Variants in CHCHD6 observed in about 807,000 individuals in gnomAD.
CHCHD6 encodes the protein MICOS complex subunit MIC25.
CHCHD6 carries 28 observed loss-of-function variants against 32.3 expected under a neutral mutation model. That is an observed-to-expected ratio of 0.87 (90% confidence interval 0.64 to 1.19). The LOEUF (loss-of-function observed/expected upper bound fraction) is 1.19, where lower values mean the gene tolerates loss of function less well. CHCHD6 is among the 50% of genes most tolerant of loss of function. CHCHD6 has a pLI of 0.00. For missense variants in CHCHD6, 333 were observed against 307.0 expected, an observed-to-expected ratio of 1.08 and a Z score of -0.63; for synonymous variants, 122 against 117.5, an observed-to-expected ratio of 1.04 and a Z score of -0.25.
intron 5 of CHCHD6, among the ~76,000 whole-genome samples, chr3:126,879,164 C>G (rs1434298991): frequency 6.6e-6 from 1 of 152,170 alleles, no homozygotes; most frequent in Non-Finnish European, 1.5e-5. Flanking sequence ...TTGCATAATG[C>G]CACTTTTGCC....
At chr3:126,766,863 C>T (rs1476972937) in intron 4 of CHCHD6, 1 of 961,540 alleles carries the variant, frequency 1.0e-6, no homozygotes, top group Non-Finnish European at 1.7e-6. Flanking sequence ...GGAAGTCAAA[C>T]AGCTTCACCA....
At chr3:126,734,112 GCA>G (rs1197430504) in intron 4 of CHCHD6, among the ~76,000 whole-genome samples, 1 of 152,174 alleles carries the variant, frequency 6.6e-6, no homozygotes, top group Non-Finnish European at 1.5e-5. Context: ...GAAGCTCCTG[GCA>G]GAATTCCTCT....
intron 5 of CHCHD6, among the ~76,000 whole-genome samples, chr3:126,862,445 T>C (rs1176423271): frequency 3.9e-3 from 132 of 34,054 alleles, no homozygotes; most frequent in Non-Finnish European, 4.3e-3. Flanking sequence ...TCCTCCACCA[T>C]CACCACCTCC....
intron 4 of CHCHD6, among the ~76,000 whole-genome samples, chr3:126,768,868 C>G (rs952080032): frequency 2.0e-5 from 3 of 152,008 alleles, no homozygotes; most frequent in African/African-American, 7.3e-5. Flanking sequence ...ATGTCCTTTG[C>G]CCACTTCTTA....
chr3:126,766,073 A>G (rs1015315507), intron 4 of CHCHD6, among the ~76,000 whole-genome samples: 2 of 152,100 alleles, frequency 1.3e-5, no homozygotes, highest in Admixed American at 1.3e-4. Flanking sequence ...TGCTTGGATC[A>G]TGATGGTAAT....
chr3:126,886,299 G>A (rs2077678846), intron 5 of CHCHD6, among the ~76,000 whole-genome samples: 1 of 152,208 alleles, frequency 6.6e-6, no homozygotes, highest in Admixed American at 6.5e-5. Context: ...AAAATATTAA[G>A]TGGAAATTTT....
At chr3:126,780,361 A>G (rs762992454) in intron 4 of CHCHD6, 5 of 436,992 alleles carry the variant, frequency 1.1e-5, no homozygotes, top group South Asian at 3.4e-5. Flanking sequence ...ACATGATTCA[A>G]AAGTCCAAAG....
intron 4 of CHCHD6, among the ~76,000 whole-genome samples, chr3:126,846,111 A>T (rs898837339): frequency 6.6e-6 from 1 of 152,158 alleles, no homozygotes; most frequent in African/African-American, 2.4e-5. Context: ...CAGCCACCAG[A>T]AGGGGCAGAA....
intron 4 of CHCHD6, among the ~76,000 whole-genome samples, chr3:126,747,178 C>T (rs1274355510): frequency 1.3e-5 from 2 of 152,154 alleles, no homozygotes; most frequent in Non-Finnish European, 2.9e-5. Context: ...TCGGGAGCTG[C>T]TGGTGATGCC....
At chr3:126,775,142 G>T (rs943021863) in intron 4 of CHCHD6, among the ~76,000 whole-genome samples, 3 of 152,112 alleles carry the variant, frequency 2.0e-5, no homozygotes, top group Non-Finnish European at 4.4e-5. Flanking sequence ...CTTATTTTTT[G>T]ACCTAAATTT....
chr3:126,817,341 C>CTTT (rs564185365), intron 4 of CHCHD6, among the ~76,000 whole-genome samples: 1 of 139,670 alleles, frequency 7.2e-6, no homozygotes, highest in Non-Finnish European at 1.6e-5. Context: ...TTCCTCTTGC[C>CTTT]TTTTTTTTTT....
chr3:126,874,756 A>G (rs1183471684), intron 5 of CHCHD6, among the ~76,000 whole-genome samples: 1 of 152,038 alleles, frequency 6.6e-6, no homozygotes, highest in East Asian at 1.9e-4. Flanking sequence ...CACAGCTTCA[A>G]TAAGTCCATA....
At chr3:126,766,366 C>G (rs1401400326) in intron 4 of CHCHD6, 1 of 474,168 alleles carries the variant, frequency 2.1e-6, no homozygotes, top group Non-Finnish European at 3.9e-6. Context: ...GTTTGACTTC[C>G]CATCCCAGTG....
chr3:126,842,102 A>AAATTAGCC (rs1941110158), intron 4 of CHCHD6, among the ~76,000 whole-genome samples: 2 of 151,942 alleles, frequency 1.3e-5, no homozygotes, highest in African/African-American at 4.8e-5. Flanking sequence ...TAAAAGTAAA[A>AAATTAGCC]AATTAGCCAG....
chr3:126,786,672 G>C (rs1311408386), intron 4 of CHCHD6, among the ~76,000 whole-genome samples: 1 of 151,770 alleles, frequency 6.6e-6, no homozygotes, highest in African/African-American at 2.4e-5. Flanking sequence ...TTTTGATGGG[G>C]TTGTTTTTTT....
intron 4 of CHCHD6, among the ~76,000 whole-genome samples, chr3:126,835,084 G>T (rs184206116): frequency 1.3e-5 from 2 of 152,236 alleles, no homozygotes; most frequent in African/African-American, 4.8e-5. Context: ...ATCCTAGATG[G>T]ATCCACAAAC....
intron 5 of CHCHD6, among the ~76,000 whole-genome samples, chr3:126,864,847 A>T (rs1200174115): frequency 1.1e-5 from 1 of 91,468 alleles, no homozygotes; most frequent in Admixed American, 1.1e-4. Context: ...CTCCACCATC[A>T]TCTCCTCTTC....
intron 4 of CHCHD6, among the ~76,000 whole-genome samples, chr3:126,757,827 G>A (rs1937020503): frequency 6.6e-6 from 1 of 152,170 alleles, no homozygotes; most frequent in Non-Finnish European, 1.5e-5. Context: ...GGGTATCTTT[G>A]TGAATTTTTG....
At chr3:126,941,032 G>A (rs554172518) in intron 6 of CHCHD6, among the ~76,000 whole-genome samples, 4 of 152,244 alleles carry the variant, frequency 2.6e-5, no homozygotes, top group South Asian at 2.1e-4. Flanking sequence ...GGAACCAAAT[G>A]TATTTTTGTT....
Sources: gnomAD v4.1 joint callset for allele counts (sites outside exome capture counted in the v4.1 genomes callset) on GRCh38, gnomAD v4.1.1 for gene constraint, MANE v1.5 for transcripts, NCBI Gene and HGNC (gene_info 2026-07-23, HGNC 2026-07-21) for gene names.